Variants in MCTP1 observed in about 807,000 individuals in gnomAD.
MCTP1 encodes the protein multiple C2 and transmembrane domain containing 1.
MCTP1 carries 69 observed loss-of-function variants against 120.6 expected under a neutral mutation model. The ratio of observed to expected loss-of-function variants is 0.57; its 90% CI spans 0.47 to 0.70. MCTP1 has a LOEUF of 0.70. Ranked by LOEUF, MCTP1 falls within the 30% of genes least tolerant of loss-of-function variation. The pLI is 0.00. For missense variants in MCTP1, 1,203 were observed against 1,248.8 expected, an observed-to-expected ratio of 0.96 and a Z score of 0.55; for synonymous variants, 529 against 493.1, an observed-to-expected ratio of 1.07 and a Z score of -0.96.
Position 94,821,580 on chromosome 5 carries a change from C to A in MCTP1, c.2437-22448G>T, listed in dbSNP as rs149474498. ...ATTTGTAATATATTTCCATTACTTC[C>A]ATATTTTCCCAGTACAAATAAAAAG... On this transcript the variant is annotated intron_variant, in intron 17 of 22. Coordinates refer to ENST00000515393, the MANE Select transcript of MCTP1 (RefSeq NM_024717.7). Among the ~76,000 whole-genome samples the A allele has an allele frequency of 1.8e-4, 27 of 152,162 alleles. No individual in the cohort carries two copies. In the East Asian group the frequency reaches 4.1e-3, roughly 23 times the overall value.
At chr5:95,051,562 C>T (rs774218604) in intron 1 of MCTP1, among the ~76,000 whole-genome samples, 4 of 152,116 alleles carry the variant, frequency 2.6e-5, no homozygotes, top group Non-Finnish European at 4.4e-5. Context: ...CTGTTCTTTC[C>T]GTGAAGGGTC....
intron 1 of MCTP1, among the ~76,000 whole-genome samples, chr5:95,144,022 C>T (rs963463797): frequency 2.6e-5 from 4 of 152,160 alleles, no homozygotes; most frequent in African/African-American, 7.2e-5. Context: ...TGCATTCCTA[C>T]GAACAGTGTC....
At chr5:95,066,448 C>CA (rs900453808) in intron 1 of MCTP1, among the ~76,000 whole-genome samples, 7 of 151,994 alleles carry the variant, frequency 4.6e-5, no homozygotes, top group African/African-American at 1.7e-4. Flanking sequence ...AGAGGTTCCT[C>CA]AAAAAATTAA....
At chr5:95,050,909 A>G (rs1017472898) in intron 1 of MCTP1, among the ~76,000 whole-genome samples, 3 of 152,198 alleles carry the variant, frequency 2.0e-5, no homozygotes, top group Non-Finnish European at 4.4e-5. Flanking sequence ...CTTGGACATG[A>G]GGACAAACAT....
intron 1 of MCTP1, among the ~76,000 whole-genome samples, chr5:95,059,940 G>A (rs1317294248): frequency 6.6e-6 from 1 of 152,186 alleles, no homozygotes; most frequent in Non-Finnish European, 1.5e-5. Context: ...CCAGGATGGA[G>A]AGAAACCCAA....
At chr5:95,193,017 AC>A (rs1375568843) in intron 1 of MCTP1, among the ~76,000 whole-genome samples, 1 of 152,166 alleles carries the variant, frequency 6.6e-6, no homozygotes, top group Non-Finnish European at 1.5e-5. Flanking sequence ...TAGTTGGTTT[AC>A]CTCGAATGGT....
chr5:94,802,718 A>G (rs192505268), intron 17 of MCTP1, among the ~76,000 whole-genome samples: 11 of 152,332 alleles, frequency 7.2e-5, no homozygotes, highest in African/African-American at 2.4e-4. Context: ...GAGATACAAT[A>G]ATGCATTAAA....
intron 17 of MCTP1, among the ~76,000 whole-genome samples, chr5:94,854,221 A>T (rs1561752261): frequency 6.6e-6 from 1 of 151,926 alleles, no homozygotes; most frequent in Non-Finnish European, 1.5e-5. Flanking sequence ...GGGCCTAGTT[A>T]TATACGCCAA....
chr5:95,007,298 G>A (rs1023547324), intron 2 of MCTP1, among the ~76,000 whole-genome samples: 1 of 152,070 alleles, frequency 6.6e-6, no homozygotes, highest in Non-Finnish European at 1.5e-5. Flanking sequence ...ACAGTCAAAT[G>A]ATATCACTGT....
chr5:94,810,918 G>C (rs764901393), intron 17 of MCTP1, among the ~76,000 whole-genome samples: 2 of 152,160 alleles, frequency 1.3e-5, no homozygotes, highest in Non-Finnish European at 2.9e-5. Context: ...AAGTCAGAAA[G>C]TGTGTTTTTA....
chr5:95,213,825 A>G (rs1415966820), intron 1 of MCTP1, among the ~76,000 whole-genome samples: 4 of 152,270 alleles, frequency 2.6e-5, no homozygotes, highest in African/African-American at 9.6e-5. Flanking sequence ...AGAAAGCTGA[A>G]ACTGGATCCC....
At chr5:95,168,616 A>G (rs1219027750) in intron 1 of MCTP1, among the ~76,000 whole-genome samples, 2 of 152,186 alleles carry the variant, frequency 1.3e-5, no homozygotes, top group African/African-American at 2.4e-5. Flanking sequence ...GGTCCTTCAC[A>G]TCCCTTGTAA....
chr5:95,283,886 C>A lies in MCTP1; in HGVS notation c.690G>T (p.Pro230=). Residue 230 remains proline (P), a synonymous_variant, in exon 1 of 23, where the codon CCG becomes CCT. Coordinates refer to ENST00000515393, the MANE Select transcript of MCTP1 (RefSeq NM_024717.7). ...TGCTGCCGTGCTCCTCGCCCGTCTC[C>A]GGGGCCCGAGACTCCGCGGGACTCC... ...PARSPAESRA[P]ETGEEHGSSQ... The A allele has an allele frequency of 7.2e-7, 1 of 1,380,322 alleles. No homozygotes were observed. The highest frequency in any genetic ancestry group is 9.3e-7 in the Non-Finnish European group (1 of 1,076,480). 85.5% of individuals were successfully genotyped at this position (1,380,322 alleles called of 1,614,324 possible).
At position 95,284,072 on chromosome 5, in the gene MCTP1, G is replaced by A. The variant is rs541438977; in HGVS notation, c.504C>T (p.Ser168=). The change falls in exon 1 of 23, where the codon TCC becomes TCT. Residue 168 remains serine, a synonymous_variant. Coordinates refer to ENST00000515393, the MANE Select transcript of MCTP1 (RefSeq NM_024717.7). The surrounding 1 kb of genome is among the most constrained non-coding windows in gnomAD (Gnocchi z 5.2). ...SSSSASSSLS[S]SPQPPPRGDR... ...CCCCCCTCGGGGGAGGCTGGGGCGAGGAGGACAGGGAGGATGAGGCGGAGG... is the reference window on the plus strand; with the variant it reads ...CCCCCCTCGGGGGAGGCTGGGGCGAAGAGGACAGGGAGGATGAGGCGGAGG... 3.2e-6 allele frequency: 5 copies of A among 1,542,982 alleles called. No homozygotes were observed. The highest frequency in any genetic ancestry group is 2.5e-5 in the East Asian group (1 of 40,264).
chr5:95,132,898 C>T (rs1460569353), intron 1 of MCTP1, among the ~76,000 whole-genome samples: 1 of 152,100 alleles, frequency 6.6e-6, no homozygotes, highest in East Asian at 1.9e-4. Flanking sequence ...CACCATAGTC[C>T]CTCAAGTTCC....
intron 1 of MCTP1, among the ~76,000 whole-genome samples, chr5:95,029,128 C>G (rs1485984398): frequency 6.7e-6 from 1 of 149,238 alleles, no homozygotes; most frequent in African/African-American, 2.5e-5. Flanking sequence ...TGCACTACAG[C>G]CTGGGTGACA....
intron 17 of MCTP1, among the ~76,000 whole-genome samples, chr5:94,862,851 C>T (rs897409082): frequency 2.2e-4 from 34 of 151,914 alleles, no homozygotes; most frequent in African/African-American, 8.2e-4. Flanking sequence ...GATGTACTAG[C>T]ATGTCCAGAT....
At chr5:95,158,690 C>T (rs952696217) in intron 1 of MCTP1, among the ~76,000 whole-genome samples, 12 of 151,922 alleles carry the variant, frequency 7.9e-5, no homozygotes, top group African/African-American at 2.9e-4. Context: ...CTTTGGGAGG[C>T]CAAGGCAGGA....
At chr5:95,226,416 G>T (rs764241941) in intron 1 of MCTP1, among the ~76,000 whole-genome samples, 21 of 152,104 alleles carry the variant, frequency 1.4e-4, no homozygotes, top group Non-Finnish European at 2.6e-4. Flanking sequence ...ATACTTAAAT[G>T]AGCAAAACTA....
Sources: allele counts gnomAD v4.1 joint callset (sites outside exome capture counted in the v4.1 genomes callset), GRCh38; gene constraint gnomAD v4.1.1; non-coding constraint Gnocchi (gnomAD v3.1); transcripts MANE v1.5; gene names NCBI Gene and HGNC (gene_info 2026-07-23, HGNC 2026-07-21).